The following BCL9L variants were observed in gnomAD, a reference collection of about 807,000 sequenced individuals.
BCL9L encodes B-cell CLL/lymphoma 9-like protein.
Under a neutral mutation model 99.4 loss-of-function variants are expected in BCL9L, and 19 were observed. The observed-to-expected ratio is 0.19, with a 90% CI of 0.13 to 0.28. The LOEUF is 0.28. BCL9L is among the 10% of genes least tolerant of loss of function. The probability of loss-of-function intolerance (pLI) is 1.00; values close to 1 mark genes in which losing one functional copy is unlikely to be tolerated. For synonymous variants in BCL9L, 900 were observed against 854.8 expected, an observed-to-expected ratio of 1.05 and a Z score of -0.92; for missense variants, 2,023 against 2,101.6, an observed-to-expected ratio of 0.96 and a Z score of 0.73.
At chr11:118,907,694 G>A (rs1276870723) in intron 4 of BCL9L, 92 bp from the exon 5 acceptor site, 42 of 1,553,224 alleles carry the variant, frequency 2.7e-5, no homozygotes, top group Non-Finnish European at 3.4e-5. Context: ...TCTCTAAGAT[G>A]CCCCACCCTA....
In BCL9L at chr11:118,914,116, G is replaced by A. The variant is rs1421977569; in HGVS notation, c.-76-4101C>T. ...GACTCCCATCTCAGGAGGTGGTGTG[G>A]TGCTGGGTTCACATGGGTAGAAGGT... On this transcript the variant is annotated intron_variant, in intron 2 of 9. Coordinates refer to ENST00000683865, the MANE Select transcript of BCL9L (RefSeq NM_001378213.1). The surrounding 1 kb of genome is among the most constrained non-coding windows in gnomAD (Gnocchi z 4.4). Among the ~76,000 whole-genome samples, 2 of 152,128 alleles carry A rather than the reference G, an allele frequency of 1.3e-5. No homozygotes were observed. The highest frequency in any genetic ancestry group is 2.4e-5 in the African/African-American group (1 of 41,404).
At chr11:118,911,379 G>GA (rs929990558) in intron 2 of BCL9L, 112 of 431,542 alleles carry the variant, frequency 2.6e-4, no homozygotes, top group African/African-American at 2.1e-3. Context: ...CACCCTGCGG[G>GA]AGTCTAACCC....
chr11:118,907,591 G>T lies in BCL9L; in HGVS notation c.424C>A (p.Arg142=). 1 of 1,613,164 alleles carries T rather than the reference G, an allele frequency of 6.2e-7. No homozygotes were observed. Among genetic ancestry groups the T allele is most frequent in the Non-Finnish European group, 8.5e-7 (1 of 1,180,020 alleles). The part of the protein sequence containing the change: ...LDSEAKEVAP[R]SKRRCVLERK... The stretch of plus-strand genomic sequence containing the variant: ...TCCAGCACACAGCGCCGCTTACTCC[G>T]CGGCGCCACCTCTGCCCAGGCAGGA... The change falls in exon 5 of 10, where the codon CGG becomes AGG. Residue 142 remains arginine, a synonymous_variant. Coordinates refer to ENST00000683865, the MANE Select transcript of BCL9L (RefSeq NM_001378213.1).
At position 118,898,558 on chromosome 11, in the gene BCL9L, G is replaced by C; in HGVS notation, c.4357C>G (p.Leu1453Val). 6.2e-7 allele frequency: 1 copy of C among 1,608,276 alleles called. No homozygotes were observed. Among genetic ancestry groups the C allele is most frequent in the Non-Finnish European group, 8.5e-7 (1 of 1,177,206 alleles). ...CCCATGAGGGAGCCCTGCGGGGAGAGCATGTGGGGCGGCTGGCTGTAGACC... is the reference window on the plus strand; with the variant it reads ...CCCATGAGGGAGCCCTGCGGGGAGACCATGTGGGGCGGCTGGCTGTAGACC... ...GEVYSQPPHM[L>V]SPQGSLMGPP... The change falls in exon 10 of 10, where the codon CTC (leucine) becomes GTC (valine). Residue 1453 changes from leucine (L) to valine (V), a missense_variant. Leu to Val is a conservative substitution (Grantham distance 32). Coordinates refer to ENST00000683865, the MANE Select transcript of BCL9L (RefSeq NM_001378213.1).
Position 118,908,255 on chromosome 11 carries a change from G to A in BCL9L, c.412+15C>T. On this transcript the variant is annotated intron_variant, in intron 4 of 9. Coordinates refer to ENST00000683865, the MANE Select transcript of BCL9L (RefSeq NM_001378213.1). ...TGGGAGATGCTAGGGTCTTAGGGAT[G>A]AGGAAATGGGGTACCTTTGGCCTCT... The A allele has an allele frequency of 1.3e-6, 2 of 1,533,916 alleles. No individual in the cohort carries two copies. Among genetic ancestry groups the A allele is most frequent in the Non-Finnish European group, 1.8e-6 (2 of 1,141,162 alleles).
rs982931203 is a variant in BCL9L, at chr11:118,925,357, G to C, written c.-250C>G. 2 of 152,340 alleles carry C rather than the reference G, an allele frequency of 1.3e-5. No homozygotes were observed. Among genetic ancestry groups the C allele is most frequent in the African/African-American group, 4.8e-5 (2 of 41,472 alleles). The allele number at this position is 152,340 out of a possible 1,614,324, so 9.4% of individuals were successfully genotyped here. On this transcript the variant is annotated 5_prime_UTR_variant, in exon 1 of 10. Transcript: ENST00000683865. The surrounding 1 kb of genome is among the most constrained non-coding windows in gnomAD (Gnocchi z 6.4). ...GTTGGAGATGCAGAGGGGGCGGGCAGGCGGTGATCTTTTGATCCTGGACGC... is the reference window on the plus strand; with the variant it reads ...GTTGGAGATGCAGAGGGGGCGGGCACGCGGTGATCTTTTGATCCTGGACGC...
In BCL9L at chr11:118,901,565, C is replaced by T; in HGVS notation, c.2178G>A (p.Gln726=). Residue 726 remains glutamine (Q), a synonymous_variant, in exon 8 of 10, where the codon CAG becomes CAA. Transcript: ENST00000683865. This position sits in a 1 kb window ranked among gnomAD's most constrained non-coding sequence, Gnocchi z 6.6. The part of the protein sequence containing the change: ...RQMDPAMFPG[Q]MAGGEGLAGT... ...CCGCCAGGCCCTCACCACCAGCCAT[C>T]TGCCCGGGAAACATGGCAGGATCCA... The T allele has an allele frequency of 6.2e-7, 1 of 1,614,188 alleles. No individual in the cohort carries two copies. The highest frequency in any genetic ancestry group is 1.3e-5 in the African/African-American group (1 of 75,064).
rs1326765430 is a variant in BCL9L at position 118,925,553 on chromosome 11, G to GGGCTCC, written c.-452_-447dup. ...GCCGGGGTCTCGGCCCCGAACCTCA[G>GGGCTCC]GGCTCCGGCTCCTGCTCCTGCTCCT... On this transcript the variant is annotated 5_prime_UTR_variant, in exon 1 of 10. Transcript: ENST00000683865. This position sits in a 1 kb window ranked among gnomAD's most constrained non-coding sequence, Gnocchi z 6.4. 2.5e-5 allele frequency: 3 copies of GGGCTCC among 118,626 alleles called. No individual in the cohort carries two copies. In the East Asian group the frequency reaches 7.8e-4, roughly 31 times the overall value. 7.3% of individuals were successfully genotyped at this position (118,626 alleles called of 1,614,324 possible). A position where few individuals can be genotyped will look rare whatever the true frequency, so the allele number is the denominator to read the frequency against.
At chr11:118,906,320 T>C (rs1309615199) in intron 5 of BCL9L, among the ~76,000 whole-genome samples, 1 of 152,168 alleles carries the variant, frequency 6.6e-6, no homozygotes, top group Non-Finnish European at 1.5e-5. Flanking sequence ...GCTTCTATCA[T>C]CAAAGGGTTC....
At chr11:118,920,611 C>G (rs1313308421) in intron 1 of BCL9L, among the ~76,000 whole-genome samples, 3 of 152,208 alleles carry the variant, frequency 2.0e-5, no homozygotes, top group African/African-American at 7.2e-5. Flanking sequence ...GGGGGCTTAG[C>G]TCCCTTTCCC....
At chr11:118,924,885 G>A (rs970702574) in intron 1 of BCL9L, among the ~76,000 whole-genome samples, 1 of 152,234 alleles carries the variant, frequency 6.6e-6, no homozygotes, top group Non-Finnish European at 1.5e-5. Flanking sequence ...TGAGACCCAC[G>A]GGGTTGGTGA....
At position 118,897,928 on chromosome 11, in the gene BCL9L, A is replaced by T. The variant is rs1224972152; in HGVS notation, c.*487T>A. ...CCACATCAGCAGGGAAAGGATACGA[A>T]GCAGGTAAAGACAGAAGGAAAATGG... On this transcript the variant is annotated 3_prime_UTR_variant, in exon 10 of 10. Coordinates refer to ENST00000683865, the MANE Select transcript of BCL9L (RefSeq NM_001378213.1). 2.2e-6 allele frequency: 1 copy of T among 451,250 alleles called. No individual in the cohort carries two copies. The highest frequency in any genetic ancestry group is 4.4e-6 in the Non-Finnish European group (1 of 226,838). 28.0% of individuals were successfully genotyped at this position (451,250 alleles called of 1,614,324 possible).
intron 2 of BCL9L, chr11:118,910,711 C>G (rs1313940198): frequency 6.4e-6 from 1 of 155,850 alleles, no homozygotes; most frequent in South Asian, 1.9e-4. Flanking sequence ...GACAGGACTG[C>G]AGCGTGCTTC....
At chr11:118,899,808 C>G (rs369743751) in intron 9 of BCL9L, 109 bp downstream of exon 9, 2 of 1,422,600 alleles carry the variant, frequency 1.4e-6, no homozygotes, top group South Asian at 1.4e-5. Flanking sequence ...TCCACCCCCA[C>G]ACCCAGGGCC....
At chr11:118,924,402 G>A (rs542921589) in intron 1 of BCL9L, among the ~76,000 whole-genome samples, 7 of 151,872 alleles carry the variant, frequency 4.6e-5, no homozygotes, top group East Asian at 1.9e-4. Context: ...AGAAAAACCC[G>A]GAAGGAAGGA....
Position 118,922,709 on chromosome 11 carries a change from T to C in BCL9L, c.-131+2529A>G, listed in dbSNP as rs1461803880. Among the ~76,000 whole-genome samples, 1 of 151,720 alleles carries C rather than the reference T, an allele frequency of 6.6e-6. No individual in the cohort carries two copies. Among genetic ancestry groups the C allele is most frequent in the East Asian group, 1.9e-4 (1 of 5,158 alleles). On this transcript the variant is annotated intron_variant, in intron 1 of 9. Coordinates refer to ENST00000683865, the MANE Select transcript of BCL9L (RefSeq NM_001378213.1). This position sits in a 1 kb window ranked among gnomAD's most constrained non-coding sequence, Gnocchi z 6.2. ...TTCTGCCCCCTCCCCCCATCGGAGG[T>C]CAGCACCCGGGCAGTGCCCAGGGCT...
At chr11:118,911,513 T>C (rs61900138) in intron 2 of BCL9L, among the ~76,000 whole-genome samples, 4,122 of 152,308 alleles carry the variant, frequency 0.027, 84 homozygotes, top group Non-Finnish European at 0.036. Context: ...CCCCAGCTTC[T>C]CCATCACAAC....
chr11:118,919,664 C>A (rs1941088267), intron 1 of BCL9L, among the ~76,000 whole-genome samples: 1 of 152,098 alleles, frequency 6.6e-6, no homozygotes, highest in Admixed American at 6.5e-5. Flanking sequence ...TCCCTGCCAA[C>A]CAGACTTAAC....
In BCL9L at chr11:118,901,865, C is replaced by A; in HGVS notation, c.1878G>T (p.Met626Ile). ...GTCTCACGGGCCTCTGCATGGCATT[C>A]ATGGGCACCTCCATGGGCATACTCT... is the stretch of plus-strand genomic sequence containing the variant. ...GMQSMPMEVP[M>I]NAMQRPVRPG... The change falls in exon 8 of 10, where the codon ATG becomes ATT. Residue 626 changes from methionine to isoleucine, a missense_variant. By Grantham distance (10) the Met-to-Ile change is conservative. Around this residue, in one of 3 missense-constraint regions of BCL9L, gnomAD observed 1,116 missense variants for 1,194.6 expected, o/e 0.93. Coordinates refer to ENST00000683865, the MANE Select transcript of BCL9L (RefSeq NM_001378213.1). The surrounding 1 kb of genome is among the most constrained non-coding windows in gnomAD (Gnocchi z 6.6). 6.2e-7 allele frequency: 1 copy of A among 1,611,220 alleles called. No individual in the cohort carries two copies. Among genetic ancestry groups the A allele is most frequent in the South Asian group, 1.1e-5 (1 of 91,006 alleles).
Sources: gnomAD v4.1 joint callset for allele counts (sites outside exome capture counted in the v4.1 genomes callset) on GRCh38, gnomAD v4.1.1 for gene constraint, gnomAD v4.1.1 regional missense constraint, Gnocchi (gnomAD v3.1) non-coding constraint, MANE v1.5 for transcripts, NCBI Gene and HGNC (gene_info 2026-07-23, HGNC 2026-07-21) for gene names.